DHRS7B: variants seen among roughly 807,000 people sequenced by gnomAD.
DHRS7B encodes the protein peroxisomal reductase activating PPAR-gamma.
In DHRS7B, 24 loss-of-function variants were observed where a neutral mutation model predicts 26.4. That is an observed-to-expected ratio of 0.91 (90% CI 0.66 to 1.28). DHRS7B has a LOEUF of 1.28. Ranked by LOEUF, DHRS7B falls within the 50% of genes most tolerant of loss-of-function variation. The pLI is 0.00. For synonymous variants in DHRS7B, 142 were observed against 166.4 expected, an observed-to-expected ratio of 0.85 and a Z score of 1.13; for missense variants, 368 against 419.4, an observed-to-expected ratio of 0.88 and a Z score of 1.07.
chr17:21,161,070 A>C (rs756534721), intron 1 of DHRS7B, among the ~76,000 whole-genome samples: 29 of 152,244 alleles, frequency 1.9e-4, no homozygotes, highest in Admixed American at 5.2e-4. Context: ...GAATAGGTGG[A>C]GCACAGAGGA....
chr17:21,181,179 C>T (rs879854324), intron 3 of DHRS7B, among the ~76,000 whole-genome samples: 1 of 152,124 alleles, frequency 6.6e-6, no homozygotes, highest in Non-Finnish European at 1.5e-5. Context: ...CTGAAAATCT[C>T]AGGCTCAAGC....
At position 21,138,095 on chromosome 17, in the gene DHRS7B, T is replaced by TACACACACAC. The variant is rs1395026542; in HGVS notation, c.20+11105_20+11106insCACACACACA. Among the ~76,000 whole-genome samples the TACACACACAC allele has an allele frequency of 5.8e-3, 472 of 81,556 alleles. 3 individuals are homozygous for TACACACACAC. Among genetic ancestry groups the TACACACACAC allele is most frequent in the Middle Eastern group, 0.025 (4 of 158 alleles). 53.5% of individuals were successfully genotyped at this position (81,556 alleles called of 152,430 possible). On this transcript the variant is annotated intron_variant, in intron 1 of 6. Coordinates refer to ENST00000395511, the MANE Select transcript of DHRS7B (RefSeq NM_015510.5). ...AAAAAAATATATATATATATATATA[T>TACACACACAC]ATATATACACACACACACACACACA... is the stretch of plus-strand genomic sequence containing the variant.
chr17:21,191,031 GAT>G lies in DHRS7B; in HGVS notation c.857_858del (p.Asp286GlyfsTer5). The G allele has an allele frequency of 6.2e-7, 1 of 1,614,282 alleles. No homozygotes were observed. Among genetic ancestry groups the G allele is most frequent in the Non-Finnish European group, 8.5e-7 (1 of 1,180,050 alleles). On this transcript the variant is annotated frameshift_variant, in exon 7 of 7. Coordinates refer to ENST00000395511, the MANE Select transcript of DHRS7B (RefSeq NM_015510.5). LOFTEE classifies it high-confidence loss of function. ...TGCTGCTGTGGGGAAGAAGAAGAAA[GAT>G]GTGATCCTGGCTGACTTACTGCCTT... The part of the protein sequence containing the change: ...VLAAVGKKKK[D>X]VILADLLPSL...
intron 1 of DHRS7B, among the ~76,000 whole-genome samples, chr17:21,170,393 G>A (rs1055974587): frequency 5.3e-5 from 8 of 152,172 alleles, no homozygotes; most frequent in Admixed American, 2.0e-4. Flanking sequence ...TTCCTCTTGG[G>A]GCAGGGATGG....
intron 1 of DHRS7B, among the ~76,000 whole-genome samples, chr17:21,151,172 G>A (rs933793996): frequency 6.6e-6 from 1 of 152,168 alleles, no homozygotes; most frequent in East Asian, 1.9e-4. Context: ...AATGGCCGCA[G>A]GGCTTTGAAT....
intron 1 of DHRS7B, among the ~76,000 whole-genome samples, chr17:21,163,214 C>A (rs533116000): frequency 5.0e-4 from 75 of 150,976 alleles, no homozygotes; most frequent in South Asian, 1.3e-3. Context: ...CCAAAAAAAA[C>A]CAAAAAACAA....
At chr17:21,152,630 G>C (rs186410421) in intron 1 of DHRS7B, among the ~76,000 whole-genome samples, 1 of 151,588 alleles carries the variant, frequency 6.6e-6, no homozygotes, top group Non-Finnish European at 1.5e-5. Context: ...CAGAGGGAGG[G>C]GAAAAAAAAT....
intron 6 of DHRS7B, 136 bp downstream of exon 6, chr17:21,188,999 G>T (rs756244631): frequency 1.3e-5 from 16 of 1,198,166 alleles, no homozygotes; most frequent in Non-Finnish European, 1.8e-5. Flanking sequence ...CTTGACAGAG[G>T]TGTTGGTTCT....
chr17:21,183,580 T>C lies in DHRS7B; in HGVS notation c.310-14T>C. ...CACTCAGAAAGTGAATTTGTATCTG[T>C]TGTATTTGACCAGGTGCAGACACAC... On this transcript the variant is annotated splice_polypyrimidine_tract_variant and intron_variant, in intron 3 of 6. Coordinates refer to ENST00000395511, the MANE Select transcript of DHRS7B (RefSeq NM_015510.5). 1 of 1,611,768 alleles carries C rather than the reference T, an allele frequency of 6.2e-7. No homozygotes were observed. The highest frequency in any genetic ancestry group is 1.1e-5 in the South Asian group (1 of 90,950).
chr17:21,166,406 A>T lies in DHRS7B; in HGVS notation c.21-5612A>T, dbSNP rs562533929. ...CTGACCTGAAGGTGTCCTCTGGCCC[A>T]GGTCAAAAGACCAGAGAAGACACTG... On this transcript the variant is annotated intron_variant, in intron 1 of 6. Coordinates refer to ENST00000395511, the MANE Select transcript of DHRS7B (RefSeq NM_015510.5). 14 of 985,366 alleles carry T rather than the reference A, an allele frequency of 1.4e-5. No homozygotes were observed. The African/African-American group carries it at 2.4e-4, about 17-fold the overall frequency. 61.0% of individuals were successfully genotyped at this position (985,366 alleles called of 1,614,324 possible).
intron 1 of DHRS7B, among the ~76,000 whole-genome samples, chr17:21,157,334 C>G (rs1973903622): frequency 6.6e-6 from 1 of 152,148 alleles, no homozygotes; most frequent in Non-Finnish European, 1.5e-5. Flanking sequence ...AAATTGAATG[C>G]AATAATGTAT....
At chr17:21,144,531 T>A (rs1973598423) in intron 1 of DHRS7B, among the ~76,000 whole-genome samples, 1 of 152,084 alleles carries the variant, frequency 6.6e-6, no homozygotes, top group Admixed American at 6.5e-5. Context: ...CAGAAGGATT[T>A]TCCAGGCTGG....
chr17:21,141,640 A>AAAAG, intron 1 of DHRS7B, among the ~76,000 whole-genome samples: 37,712 of 87,642 alleles, frequency 0.43, 10,618 homozygotes, highest in South Asian at 0.47. Flanking sequence ...AAAAAAAAAA[A>AAAAG]CAACCTCATC....
intron 5 of DHRS7B, among the ~76,000 whole-genome samples, chr17:21,186,780 G>A (rs1974644060): frequency 6.6e-6 from 1 of 152,220 alleles, no homozygotes; most frequent in South Asian, 2.1e-4. Flanking sequence ...GGGTTGTGAA[G>A]CCCTTGCTCG....
chr17:21,156,493 T>C (rs1973883266), intron 1 of DHRS7B, among the ~76,000 whole-genome samples: 1 of 151,836 alleles, frequency 6.6e-6, no homozygotes, highest in African/African-American at 2.4e-5. Flanking sequence ...TAATCCCAGC[T>C]ACTTGGGAGG....
intron 1 of DHRS7B, among the ~76,000 whole-genome samples, chr17:21,152,622 G>C (rs1442558793): frequency 1.3e-5 from 2 of 151,794 alleles, no homozygotes; most frequent in Non-Finnish European, 2.9e-5. Context: ...GCTTCCAGCA[G>C]AGGGAGGGGA....
chr17:21,185,523 G>A (rs551748277), intron 5 of DHRS7B, among the ~76,000 whole-genome samples: 1 of 152,294 alleles, frequency 6.6e-6, no homozygotes, highest in African/African-American at 2.4e-5. Flanking sequence ...CATCATACAT[G>A]CTTGTACATG....
At chr17:21,164,562 G>A (rs188454244) in intron 1 of DHRS7B, among the ~76,000 whole-genome samples, 3 of 152,288 alleles carry the variant, frequency 2.0e-5, no homozygotes, top group Non-Finnish European at 2.9e-5. Flanking sequence ...TGCGGTGTTC[G>A]GCCAGCACAG....
At chr17:21,186,640 C>G (rs1974641324) in intron 5 of DHRS7B, among the ~76,000 whole-genome samples, 1 of 152,196 alleles carries the variant, frequency 6.6e-6, no homozygotes, top group African/African-American at 2.4e-5. Flanking sequence ...GACGGATGCC[C>G]CTTCTTTCCT....
Sources: gnomAD v4.1 joint callset for allele counts (sites outside exome capture counted in the v4.1 genomes callset) on GRCh38, gnomAD v4.1.1 for gene constraint, MANE v1.5 for transcripts, NCBI Gene and HGNC (gene_info 2026-07-23, HGNC 2026-07-21) for gene names.